JCAD: variants seen among roughly 807,000 people sequenced by gnomAD.
The protein encoded by JCAD is junctional cadherin 5 associated.
A neutral mutation model predicts 98.0 loss-of-function variants in JCAD; 40 were observed. The observed-to-expected ratio is 0.41, with a 90% CI of 0.32 to 0.53. The LOEUF is 0.53. Ranked by LOEUF, JCAD falls within the 20% of genes least tolerant of loss-of-function variation. The pLI is 0.31. For missense variants in JCAD, 1,705 were observed against 1,738.1 expected, an observed-to-expected ratio of 0.98 and a Z score of 0.34; for synonymous variants, 691 against 682.3, an observed-to-expected ratio of 1.01 and a Z score of -0.20.
rs562194555 is a variant in JCAD at position 30,071,400 on chromosome 10, T to A, written n.129-1579A>T. Among the ~76,000 whole-genome samples, 11 of 152,338 alleles carry A rather than the reference T, an allele frequency of 7.2e-5. No individual in the cohort carries two copies. The East Asian group carries it at 2.1e-3, about 29-fold the overall frequency. ...CTGGAAATGGTGACAGACTGAGGAC[T>A]GTGAGGACAAAAATCTTCTAATGTT... On this transcript the variant is annotated intron_variant and non_coding_transcript_variant, in intron 1 of 2. Coordinates refer to the JCAD transcript ENST00000465712.
At position 30,018,296 on chromosome 10, in the gene JCAD, C is replaced by CTTTTT. The variant is rs68092911; in HGVS notation, c.4046-384_4046-380dup. 5.7e-3 allele frequency among the ~76,000 whole-genome samples: 404 copies of CTTTTT among 70,670 alleles called. 2 individuals carry two copies. Among genetic ancestry groups the CTTTTT allele is most frequent in the African/African-American group, 0.017 (359 of 21,558 alleles). 46.4% of individuals were successfully genotyped at this position (70,670 alleles called of 152,430 possible). A position where few individuals can be genotyped will look rare whatever the true frequency, so the allele number is the denominator to read the frequency against. ...CTTTCTTCTTCTTCTTCTTCTTCTT[C>CTTTTT]TTTTTTTTTTTTTGGTAAATTACAG... On this transcript the variant is annotated intron_variant, in intron 3 of 3. Transcript: ENST00000375377.
chr10:30,029,476 T>G lies in JCAD; in HGVS notation c.672A>C (p.Gln224His), dbSNP rs760107572. Residue 224 changes from glutamine (Q) to histidine (H), a missense_variant, in exon 3 of 4, where the codon CAA (glutamine) becomes CAC (histidine). By Grantham distance (24) the Gln-to-His change is conservative. Transcript: ENST00000375377. ...GCAGTGAGCGAGACTTCCCTTTGTT[T>G]TGAGAATTCAACACATGTTCTCCTT... ...FIQGEHVLNSQNKGKSRSLPR... is the reference protein window; with the variant it reads ...FIQGEHVLNSHNKGKSRSLPR... The G allele has an allele frequency of 3.1e-6, 5 of 1,614,200 alleles. No homozygotes were observed. Among genetic ancestry groups the G allele is most frequent in the Non-Finnish European group, 3.4e-6 (4 of 1,180,034 alleles).
intron 1 of JCAD, among the ~76,000 whole-genome samples, chr10:30,085,119 A>C (rs1281373990): frequency 6.6e-6 from 1 of 152,004 alleles, no homozygotes; most frequent in African/African-American, 2.4e-5. Context: ...TTCTTGTTTT[A>C]ATCTTTTGGT....
At chr10:30,052,730 G>A (rs1837494899) in intron 1 of JCAD, among the ~76,000 whole-genome samples, 1 of 152,126 alleles carries the variant, frequency 6.6e-6, no homozygotes, top group South Asian at 2.1e-4. Flanking sequence ...AGAATATAAA[G>A]ACAAATAAGA....
chr10:30,065,687 G>A (rs1269856480), intron 2 of JCAD, among the ~76,000 whole-genome samples: 1 of 152,014 alleles, frequency 6.6e-6, no homozygotes, highest in Non-Finnish European at 1.5e-5. Flanking sequence ...CTTCTGCGGA[G>A]ACGGGCTCTC....
At chr10:30,108,173 G>A (rs560936067) in intron 1 of JCAD, among the ~76,000 whole-genome samples, 2 of 152,174 alleles carry the variant, frequency 1.3e-5, no homozygotes, top group Non-Finnish European at 1.5e-5. Context: ...TTAGCCGGGC[G>A]TGGTGGTGCA....
chr10:30,092,046 AAAAAAAAAAAAAAAAAAAATAT>A (rs1472442308), intron 1 of JCAD, among the ~76,000 whole-genome samples: 2 of 38,634 alleles, frequency 5.2e-5, no homozygotes, highest in African/African-American at 3.9e-4. Flanking sequence ...AAAAAAAAAA[AAAAAAAAAAAAAAAAAAAATAT>A]ATATATATAT....
intron 1 of JCAD, among the ~76,000 whole-genome samples, chr10:30,092,127 A>ATATATATTATATATAT (rs1589715617): frequency 1.2e-5 from 1 of 80,892 alleles, no homozygotes; most frequent in Non-Finnish European, 2.1e-5. Flanking sequence ...TATATATATA[A>ATATATATTATATATAT]AAAACATTTT....
chr10:30,054,089 G>A (rs1305258095), intron 1 of JCAD, among the ~76,000 whole-genome samples: 1 of 152,088 alleles, frequency 6.6e-6, no homozygotes, highest in Non-Finnish European at 1.5e-5. Flanking sequence ...TCCATATAGT[G>A]GACTATAATA....
At chr10:30,097,247 A>T (rs7911083) in intron 1 of JCAD, among the ~76,000 whole-genome samples, 4,975 of 152,254 alleles carry the variant, frequency 0.033, 280 homozygotes, top group African/African-American at 0.11. Context: ...AAATAGCCAC[A>T]TGTGGCTAGT....
intron 1 of JCAD, among the ~76,000 whole-genome samples, chr10:30,111,281 C>T (rs1455991638): frequency 6.6e-6 from 1 of 152,132 alleles, no homozygotes; most frequent in African/African-American, 2.4e-5. Flanking sequence ...TTCTTGGGTG[C>T]ATTTTCTTCA....
At chr10:30,115,353 A>G (rs1838773802) in intron 1 of JCAD, 1 of 152,200 alleles carries the variant, frequency 6.6e-6, no homozygotes, top group Non-Finnish European at 1.5e-5. Flanking sequence ...TGGAAAAGGG[A>G]AGAAAATATT....
chr10:30,062,367 C>G (rs80314503), upstream of JCAD, among the ~76,000 whole-genome samples: 39 of 152,244 alleles, frequency 2.6e-4, no homozygotes, highest in East Asian at 6.2e-3. Flanking sequence ...TAGCCCTGCT[C>G]TAATGTTTTC....
At chr10:30,032,533 G>A (rs1837023972) in intron 2 of JCAD, among the ~76,000 whole-genome samples, 1 of 152,166 alleles carries the variant, frequency 6.6e-6, no homozygotes, top group African/African-American at 2.4e-5. Flanking sequence ...ATTAACCATG[G>A]GCCGGGCTGA....
chr10:30,115,085 C>T (rs1266627489), intron 1 of JCAD, among the ~76,000 whole-genome samples: 8 of 152,200 alleles, frequency 5.3e-5, no homozygotes, highest in Admixed American at 5.2e-4. Flanking sequence ...CTGTTTTCTA[C>T]CTTTGTAATC....
At chr10:30,042,743 GA>G (rs891911626) in intron 2 of JCAD, among the ~76,000 whole-genome samples, 1 of 152,268 alleles carries the variant, frequency 6.6e-6, no homozygotes, top group Admixed American at 6.5e-5. Flanking sequence ...CATTTCCTAT[GA>G]ATGGTCCGTG....
chr10:30,092,063 AAATATATATATAT>A lies in JCAD; in HGVS notation n.129-22255_129-22243del, dbSNP rs1838283431. ...AAAAAAAAAAAAAAAAAAAAAAAAAAAATATATATATATATATATATATATAAAGTTACTTTAT... is the reference window on the plus strand; with the variant it reads ...AAAAAAAAAAAAAAAAAAAAAAAAAAATATATATATATAAAGTTACTTTAT... On this transcript the variant is annotated intron_variant and non_coding_transcript_variant, in intron 1 of 2. Transcript: ENST00000465712. Among the ~76,000 whole-genome samples, 2 of 18,330 alleles carry A rather than the reference AAATATATATATAT, an allele frequency of 1.1e-4. 1 individual carries two copies. Among genetic ancestry groups the A allele is most frequent in the African/African-American group, 3.4e-4 (2 of 5,814 alleles). 12.0% of individuals were successfully genotyped at this position (18,330 alleles called of 152,430 possible). A position where few individuals can be genotyped will look rare whatever the true frequency, so the allele number is the denominator to read the frequency against.
At chr10:30,081,430 GTT>G (rs1190450367) in intron 1 of JCAD, among the ~76,000 whole-genome samples, 1 of 152,004 alleles carries the variant, frequency 6.6e-6, no homozygotes, top group Non-Finnish European at 1.5e-5. Context: ...TGAGCCCAAT[GTT>G]TGTTTTTTAT....
chr10:30,072,615 G>A (rs888160137), intron 1 of JCAD, among the ~76,000 whole-genome samples: 1 of 151,890 alleles, frequency 6.6e-6, no homozygotes, highest in Non-Finnish European at 1.5e-5. Context: ...GGCTATTATT[G>A]GTTAGGAAGC....
Sources: gnomAD v4.1 joint callset for allele counts (sites outside exome capture counted in the v4.1 genomes callset) on GRCh38, gnomAD v4.1.1 for gene constraint, MANE v1.5 for transcripts, NCBI Gene and HGNC (gene_info 2026-07-23, HGNC 2026-07-21) for gene names.